PRMT3: variants seen among roughly 807,000 people sequenced by gnomAD.
The protein encoded by PRMT3 is protein arginine methyltransferase 3, also known as protein arginine N-methyltransferase 3.
In PRMT3, 62 loss-of-function variants were observed where a neutral mutation model predicts 71.9. The ratio of observed to expected loss-of-function variants is 0.86; its 90% CI spans 0.70 to 1.07. PRMT3 has a LOEUF of 1.07. Among genes scored for constraint, PRMT3 ranks in the 50% least tolerant of loss-of-function variants. The probability of loss-of-function intolerance (pLI) is 0.00; values close to 1 mark genes in which losing one functional copy is unlikely to be tolerated. For synonymous variants in PRMT3, 213 were observed against 220.4 expected, an observed-to-expected ratio of 0.97 and a Z score of 0.30; for missense variants, 663 against 643.0, an observed-to-expected ratio of 1.03 and a Z score of -0.34.
intron 10 of PRMT3, among the ~76,000 whole-genome samples, chr11:20,441,344 C>T (rs887760620): frequency 4.6e-5 from 7 of 151,116 alleles, no homozygotes; most frequent in Non-Finnish European, 7.4e-5. Flanking sequence ...CTCGCTCTTT[C>T]GCCCAGGCTG....
At chr11:20,503,019 T>G (rs1388535370) in intron 15 of PRMT3, among the ~76,000 whole-genome samples, 1 of 152,170 alleles carries the variant, frequency 6.6e-6, no homozygotes, top group East Asian at 1.9e-4. Flanking sequence ...TTCATACCTT[T>G]TATGAAGGAA....
chr11:20,405,357 C>T (rs1489509713), intron 8 of PRMT3: 1 of 150,824 alleles, frequency 6.6e-6, no homozygotes, highest in Non-Finnish European at 1.5e-5. Flanking sequence ...ATTTCCTCAT[C>T]ATTTTATAAA....
intron 10 of PRMT3, among the ~76,000 whole-genome samples, chr11:20,435,793 A>G (rs1849749149): frequency 6.6e-6 from 1 of 152,204 alleles, no homozygotes; most frequent in Admixed American, 6.6e-5. Flanking sequence ...GTTTTTGCTC[A>G]GGATCACTTT....
At chr11:20,405,044 A>T (rs1330062624) in intron 8 of PRMT3, among the ~76,000 whole-genome samples, 5 of 152,208 alleles carry the variant, frequency 3.3e-5, no homozygotes, top group Non-Finnish European at 7.3e-5. Flanking sequence ...TCAAGATATT[A>T]AATATTTTTA....
intron 13 of PRMT3, among the ~76,000 whole-genome samples, chr11:20,477,003 G>A (rs1850806143): frequency 6.6e-6 from 1 of 152,170 alleles, no homozygotes; most frequent in African/African-American, 2.4e-5. Context: ...GCTAGCGGGA[G>A]GGGTCGATCC....
At chr11:20,483,545 A>G (rs965536607) in intron 13 of PRMT3, among the ~76,000 whole-genome samples, 3 of 94,746 alleles carry the variant, frequency 3.2e-5, no homozygotes, top group African/African-American at 1.4e-4. Context: ...TTTAAATGGC[A>G]GAGATTGCCA....
chr11:20,471,027 G>C (rs1391489190), intron 13 of PRMT3, among the ~76,000 whole-genome samples: 1 of 151,278 alleles, frequency 6.6e-6, no homozygotes, highest in Non-Finnish European at 1.5e-5. Flanking sequence ...TTGGCCACAT[G>C]TAAAGAAGTG....
chr11:20,397,991 C>T (rs1590032754), intron 7 of PRMT3, among the ~76,000 whole-genome samples: 1 of 115,990 alleles, frequency 8.6e-6, no homozygotes, highest in Admixed American at 1.1e-4. Flanking sequence ...CTGGGCAATA[C>T]AGTGAGACCC....
chr11:20,407,245 T>C (rs968083997), intron 8 of PRMT3: 2 of 152,224 alleles, frequency 1.3e-5, no homozygotes, highest in Non-Finnish European at 2.9e-5. Flanking sequence ...AAATGTTTTA[T>C]TTTAATGAGA....
intron 9 of PRMT3, among the ~76,000 whole-genome samples, chr11:20,408,255 A>G (rs1849116539): frequency 6.6e-6 from 1 of 152,040 alleles, no homozygotes; most frequent in South Asian, 2.1e-4. Flanking sequence ...AATTATTTTT[A>G]TATTGATTTC....
intron 11 of PRMT3, among the ~76,000 whole-genome samples, chr11:20,460,917 T>C (rs1423825474): frequency 6.6e-6 from 1 of 152,214 alleles, no homozygotes; most frequent in Admixed American, 6.5e-5. Flanking sequence ...TCACCTGGTT[T>C]ATTTTAACTA....
chr11:20,444,039 G>A (rs531120451), intron 10 of PRMT3, among the ~76,000 whole-genome samples: 1 of 152,238 alleles, frequency 6.6e-6, no homozygotes, highest in East Asian at 1.9e-4. Flanking sequence ...TTCTTGCGTG[G>A]AAGTTGGTGA....
intron 8 of PRMT3, among the ~76,000 whole-genome samples, chr11:20,404,224 T>TGTTTTGTTTTG (rs761868811): frequency 4.2e-5 from 4 of 95,180 alleles, no homozygotes; most frequent in East Asian, 2.9e-4. Context: ...TTTTTTTTTT[T>TGTTTTGTTTTG]TTTTTTTTTT....
chr11:20,428,738 G>A (rs1229302951), intron 10 of PRMT3, among the ~76,000 whole-genome samples: 1 of 152,330 alleles, frequency 6.6e-6, no homozygotes, highest in African/African-American at 2.4e-5. Context: ...GCTAACTTCT[G>A]CTGAGTTTGG....
chr11:20,448,239 T>G (rs1292267049), intron 10 of PRMT3, among the ~76,000 whole-genome samples: 1 of 152,112 alleles, frequency 6.6e-6, no homozygotes, highest in African/African-American at 2.4e-5. Flanking sequence ...AGGATTCCAG[T>G]CAGTGGATAT....
At chr11:20,390,992 G>A (rs1192041460) in intron 3 of PRMT3, among the ~76,000 whole-genome samples, 2 of 151,800 alleles carry the variant, frequency 1.3e-5, no homozygotes, top group Admixed American at 6.6e-5. Context: ...GGAGGTTGCA[G>A]TGAGCTAAGA....
intron 7 of PRMT3, among the ~76,000 whole-genome samples, chr11:20,400,788 C>A (rs1271067424): frequency 6.6e-6 from 1 of 151,484 alleles, no homozygotes; most frequent in Non-Finnish European, 1.5e-5. Flanking sequence ...TTATCTTGCT[C>A]CTAAGTATTG....
intron 9 of PRMT3, 108 bp from the exon 10 acceptor site, chr11:20,426,658 T>C: frequency 8.8e-7 from 1 of 1,129,956 alleles, no homozygotes; most frequent in Non-Finnish European, 1.2e-6. Context: ...TTGATTGAAA[T>C]ACTTTTTTGT....
chr11:20,485,463 G>A (rs1455416752), intron 13 of PRMT3, among the ~76,000 whole-genome samples: 2 of 151,968 alleles, frequency 1.3e-5, no homozygotes, highest in Non-Finnish European at 2.9e-5. Context: ...TAAATTCAAA[G>A]AGAAAAAATA....
Sources: gnomAD v4.1 joint callset for allele counts (sites outside exome capture counted in the v4.1 genomes callset) on GRCh38, gnomAD v4.1.1 for gene constraint, MANE v1.5 for transcripts, NCBI Gene and HGNC (gene_info 2026-07-23, HGNC 2026-07-21) for gene names.